Variants in VIT observed in about 807,000 individuals in gnomAD.
VIT encodes the protein vitrin.
In VIT, 99 loss-of-function variants were observed where a neutral mutation model predicts 78.0. The observed-to-expected ratio is 1.27, with a 90% CI of 1.08 to 1.50. The LOEUF (loss-of-function observed/expected upper bound fraction) is 1.50. Among genes scored for constraint, VIT ranks in the 40% most tolerant of loss-of-function variants. The pLI is 0.00. For synonymous variants in VIT, 374 were observed against 334.3 expected, an observed-to-expected ratio of 1.12 and a Z score of -1.29; for missense variants, 1,126 against 875.3, an observed-to-expected ratio of 1.29 and a Z score of -3.61.
At chr2:36,763,338 AATGAGGAAT>A (rs1669233322) in intron 6 of VIT, among the ~76,000 whole-genome samples, 1 of 152,216 alleles carries the variant, frequency 6.6e-6, no homozygotes, top group South Asian at 2.1e-4. Context: ...ACCACACCCA[AATGAGGAAT>A]ATGTGTAGAG....
intron 2 of VIT, among the ~76,000 whole-genome samples, chr2:36,717,407 GGGGTTTCACCGTGTGAGACA>G (rs70946945): frequency 0.45 from 58,743 of 130,660 alleles, 16,170 homozygotes; most frequent in Admixed American, 0.61. Flanking sequence ...TAGTAGAGAT[GGGGTTTCACCGTGTGAGACA>G]GGGTTTCACC....
intron 1 of VIT, among the ~76,000 whole-genome samples, chr2:36,702,825 G>T (rs1402976185): frequency 1.3e-5 from 2 of 152,136 alleles, no homozygotes; most frequent in African/African-American, 4.8e-5. Flanking sequence ...ACTGCGTTGG[G>T]GATTCCTCAC....
At chr2:36,781,853 G>A (rs1365078447) in intron 10 of VIT, 82 bp downstream of exon 10, 38 of 1,548,096 alleles carry the variant, frequency 2.5e-5, no homozygotes, top group Non-Finnish European at 1.9e-5. Context: ...TAATCCAGCT[G>A]GCATAGCGGC....
chr2:36,796,645 G>T (rs10179471), intron 12 of VIT, among the ~76,000 whole-genome samples: 102,065 of 151,722 alleles, frequency 0.67, 34,997 homozygotes, highest in East Asian at 0.8. Flanking sequence ...TTAGTTTTTT[G>T]TTGTTGTTGT....
At chr2:36,701,238 C>A (rs1172330480) in intron 1 of VIT, among the ~76,000 whole-genome samples, 1 of 152,112 alleles carries the variant, frequency 6.6e-6, no homozygotes, top group African/African-American at 2.4e-5. Context: ...CTTGGATAAT[C>A]TCCTTTTTGG....
At chr2:36,777,448 A>C (rs1670143300) in intron 9 of VIT, among the ~76,000 whole-genome samples, 1 of 152,072 alleles carries the variant, frequency 6.6e-6, no homozygotes, top group Non-Finnish European at 1.5e-5. Context: ...GTAGACTATT[A>C]ATAATTCATA....
chr2:36,783,381 C>T lies in VIT; in HGVS notation c.889C>T (p.Pro297Ser). The change falls in exon 11 of 16, where the codon CCA becomes TCA. Residue 297 changes from proline (P) to serine (S), a missense_variant. Transcript: ENST00000379242. ...AGAATTGAGCACACAGTCTTTGGAG[C>T]CAGTATCCCTGGGAGATCCAAGTAA... ...KEELSTQSLE[P>S]VSLGDPNCKI... 1 of 1,614,122 alleles carries T rather than the reference C, an allele frequency of 6.2e-7. No homozygotes were observed.
At chr2:36,726,674 C>T (rs1432121317) in intron 2 of VIT, among the ~76,000 whole-genome samples, 1 of 151,986 alleles carries the variant, frequency 6.6e-6, no homozygotes, top group African/African-American at 2.4e-5. Context: ...CAAAAATTAG[C>T]CAGGTGTGGT....
At chr2:36,712,588 C>T (rs1394077769) in intron 1 of VIT, among the ~76,000 whole-genome samples, 1 of 152,138 alleles carries the variant, frequency 6.6e-6, no homozygotes. Flanking sequence ...CCTGTAATCC[C>T]AGACTTTGGG....
intron 9 of VIT, among the ~76,000 whole-genome samples, chr2:36,778,537 G>T (rs1318594763): frequency 6.6e-6 from 1 of 152,196 alleles, no homozygotes; most frequent in Non-Finnish European, 1.5e-5. Context: ...AAGAGAAAAG[G>T]CTGCCAGGTT....
chr2:36,812,040 G>C (rs1011245861), intron 15 of VIT, among the ~76,000 whole-genome samples: 4 of 152,150 alleles, frequency 2.6e-5, no homozygotes, highest in Admixed American at 2.6e-4. Context: ...ATCTTTGAGC[G>C]GGAAGGAGGG....
At chr2:36,717,232 G>A (rs1176787937) in intron 2 of VIT, among the ~76,000 whole-genome samples, 3 of 145,408 alleles carry the variant, frequency 2.1e-5, no homozygotes, top group Non-Finnish European at 4.5e-5. Context: ...AGGCTGGAGT[G>A]CAGTGGCACA....
intron 2 of VIT, among the ~76,000 whole-genome samples, chr2:36,717,334 A>ATGTGTGTGTG (rs70946944): frequency 6.2e-5 from 4 of 64,072 alleles, no homozygotes; most frequent in Non-Finnish European, 1.0e-4. Context: ...CGCCTGGCTA[A>ATGTGTGTGTG]TGTGTGTGTG....
At chr2:36,732,894 G>A (rs1341343080) in intron 3 of VIT, among the ~76,000 whole-genome samples, 5 of 152,198 alleles carry the variant, frequency 3.3e-5, no homozygotes, top group South Asian at 2.1e-4. Context: ...AGGCAAAGAC[G>A]AGGAGAAAAG....
chr2:36,725,691 T>C (rs1463530385), intron 2 of VIT, among the ~76,000 whole-genome samples: 1 of 152,162 alleles, frequency 6.6e-6, no homozygotes, highest in Non-Finnish European at 1.5e-5. Context: ...CTTGGTGGCA[T>C]TGCCACGTTT....
chr2:36,814,059 T>G (rs1667384265), intron 15 of VIT, 124 bp from the exon 16 acceptor site: 3 of 1,193,960 alleles, frequency 2.5e-6, no homozygotes, highest in East Asian at 2.5e-5. Context: ...TTTTTGGTTT[T>G]GTTTTGTTTG....
intron 9 of VIT, among the ~76,000 whole-genome samples, chr2:36,776,792 C>G (rs1468948270): frequency 6.8e-6 from 1 of 146,482 alleles, no homozygotes; most frequent in African/African-American, 2.5e-5. Context: ...GAGACTCCAT[C>G]TCAAAAAAAA....
chr2:36,805,031 A>G (rs141390378), intron 13 of VIT, among the ~76,000 whole-genome samples: 12 of 151,956 alleles, frequency 7.9e-5, no homozygotes, highest in African/African-American at 2.9e-4. Flanking sequence ...GGCCGGGTGC[A>G]GTGGCTCATG....
chr2:36,741,638 A>G lies in VIT; in HGVS notation c.119-1462A>G, dbSNP rs143079544. Among the ~76,000 whole-genome samples, 617 of 152,292 alleles carry G rather than the reference A, an allele frequency of 4.1e-3. 3 individuals carry two copies. The highest frequency in any genetic ancestry group is 0.014 in the African/African-American group (589 of 41,564). ...TAGCAACTCTGAGACCATCTCAGGAACCCAGTTAGAGGGTGGGTGGCCTGG... is the reference window on the plus strand; with the variant it reads ...TAGCAACTCTGAGACCATCTCAGGAGCCCAGTTAGAGGGTGGGTGGCCTGG... On this transcript the variant is annotated intron_variant, in intron 3 of 15. Coordinates refer to ENST00000379242, the MANE Select transcript of VIT (RefSeq NM_053276.4).
Sources: gnomAD v4.1 joint callset for allele counts (sites outside exome capture counted in the v4.1 genomes callset) on GRCh38, gnomAD v4.1.1 for gene constraint, MANE v1.5 for transcripts, NCBI Gene and HGNC (gene_info 2026-07-23, HGNC 2026-07-21) for gene names.